ADGRA1: variants seen among roughly 807,000 people sequenced by gnomAD.
ADGRA1 encodes G-protein coupled receptor 123.
In ADGRA1, 12 loss-of-function variants were observed where a neutral mutation model predicts 21.3. The observed-to-expected ratio is 0.56, with a 90% CI of 0.36 to 0.91. The LOEUF (loss-of-function observed/expected upper bound fraction) is 0.91, where lower values mean the gene tolerates loss of function less well. Among genes scored for constraint, ADGRA1 ranks in the 40% least tolerant of loss-of-function variants. ADGRA1 has a pLI of 0.01. For synonymous variants in ADGRA1, 385 were observed against 368.8 expected, an observed-to-expected ratio of 1.04 and a Z score of -0.50; for missense variants, 790 against 805.6, an observed-to-expected ratio of 0.98 and a Z score of 0.23.
rs777704987 is a variant in ADGRA1, at chr10:133,098,650, A to G, written c.142A>G (p.Ile48Val). ...TTTCCCGTCCCACAGCGCCATCCGCATCAGCCGCAAGGGCCGGCACACGCT... is the reference window on the plus strand; with the variant it reads ...TTTCCCGTCCCACAGCGCCATCCGCGTCAGCCGCAAGGGCCGGCACACGCT... The part of the protein sequence containing the change: ...TYIVHQSAIR[I>V]SRKGRHTLLN... Residue 48 changes from isoleucine (I) to valine (V), a missense_variant, in exon 4 of 7, where the codon ATC (isoleucine) becomes GTC (valine). By Grantham distance (29) the Ile-to-Val change is conservative. Transcript: ENST00000392607. The G allele has an allele frequency of 1.9e-6, 3 of 1,609,424 alleles. No individual in the cohort carries two copies. The highest frequency in any genetic ancestry group is 1.7e-5 in the Admixed American group (1 of 59,942).
chr10:133,112,123 C>A (rs1852043088), intron 5 of ADGRA1, among the ~76,000 whole-genome samples: 1 of 152,274 alleles, frequency 6.6e-6, no homozygotes, highest in South Asian at 2.1e-4. Context: ...GTAGACAGAA[C>A]TTTCCACATT....
intron 5 of ADGRA1, among the ~76,000 whole-genome samples, chr10:133,115,987 C>G (rs1852149518): frequency 6.6e-6 from 1 of 151,998 alleles, no homozygotes; most frequent in African/African-American, 2.4e-5. Flanking sequence ...CTCCCCTTCT[C>G]CCTCCCTCTT....
At chr10:133,103,059 C>T (rs1277785080) in intron 5 of ADGRA1, among the ~76,000 whole-genome samples, 6 of 148,938 alleles carry the variant, frequency 4.0e-5, no homozygotes, top group Admixed American at 6.7e-5. Flanking sequence ...AGGGGAGGGG[C>T]GCCGGTCACT....
In ADGRA1 at chr10:133,088,111, G is replaced by GC; in HGVS notation, c.-226dup. 3 of 984,994 alleles carry GC rather than the reference G, an allele frequency of 3.0e-6. No individual in the cohort carries two copies. Among genetic ancestry groups the GC allele is most frequent in the Non-Finnish European group, 3.6e-6 (3 of 829,692 alleles). The allele number at this position is 984,994 out of a possible 1,614,324, so 61.0% of individuals were successfully genotyped here. On this transcript the variant is annotated 5_prime_UTR_variant, in exon 1 of 7. It removes the in-frame stop codon of an upstream open reading frame in the 5' UTR. Coordinates refer to ENST00000392607, the MANE Select transcript of ADGRA1 (RefSeq NM_001083909.3). ...CTGTCTCCGGGAGCGCGGCCCGGCCGCCCCGGCAGCCGCTTCGGCCACAGC... is the reference window on the plus strand; with the variant it reads ...CTGTCTCCGGGAGCGCGGCCCGGCCGCCCCCGGCAGCCGCTTCGGCCACAGC...
At chr10:133,114,005 C>T (rs927302388) in intron 5 of ADGRA1, among the ~76,000 whole-genome samples, 4 of 152,244 alleles carry the variant, frequency 2.6e-5, no homozygotes, top group Non-Finnish European at 4.4e-5. Context: ...TGGCATCTCA[C>T]ACTTTGGCGG....
chr10:133,119,261 CA>C (rs34728360), intron 5 of ADGRA1, among the ~76,000 whole-genome samples: 136,290 of 145,504 alleles, frequency 0.94, 63,834 homozygotes, highest in South Asian at 0.99. Context: ...CCTTTATTGC[CA>C]AAAAAAAAAA....
At chr10:133,111,090 ATG>A (rs1851982778) in intron 5 of ADGRA1, among the ~76,000 whole-genome samples, 1 of 151,356 alleles carries the variant, frequency 6.6e-6, no homozygotes, top group African/African-American at 2.4e-5. Context: ...CCTGCCTGCC[ATG>A]GGCAGCTCCC....
chr10:133,117,695 C>A (rs1033784147), intron 5 of ADGRA1, among the ~76,000 whole-genome samples: 5 of 152,250 alleles, frequency 3.3e-5, no homozygotes, highest in African/African-American at 1.2e-4. Context: ...AGCTGAGTCC[C>A]ATGTATTTCT....
chr10:133,099,349 G>A (rs1851750898), intron 4 of ADGRA1, among the ~76,000 whole-genome samples: 1 of 152,214 alleles, frequency 6.6e-6, no homozygotes, highest in African/African-American at 2.4e-5. Context: ...CCGGTCCAGG[G>A]AGGAACCTGC....
At chr10:133,126,388 T>C (rs964715964) in intron 5 of ADGRA1, among the ~76,000 whole-genome samples, 1 of 152,170 alleles carries the variant, frequency 6.6e-6, no homozygotes, top group Non-Finnish European at 1.5e-5. Flanking sequence ...CTCCCACCAC[T>C]GCACCTTGGA....
chr10:133,098,536 G>T, intron 3 of ADGRA1, 104 bp from the exon 4 acceptor site: 2 of 1,412,744 alleles, frequency 1.4e-6, no homozygotes, highest in Non-Finnish European at 9.5e-7. Context: ...CCCACGGAGA[G>T]CCCGGACTTC....
At chr10:133,125,420 GTTTT>G (rs755232501) in intron 5 of ADGRA1, among the ~76,000 whole-genome samples, 10 of 152,104 alleles carry the variant, frequency 6.6e-5, no homozygotes, top group Non-Finnish European at 7.4e-5. Context: ...TTGTTTTAAT[GTTTT>G]TGTTTGTTTG....
intron 5 of ADGRA1, among the ~76,000 whole-genome samples, chr10:133,116,429 C>T (rs1231168145): frequency 6.7e-6 from 1 of 149,872 alleles, no homozygotes; most frequent in African/African-American, 2.5e-5. Context: ...CCACCCCCCG[C>T]CACCACCCAC....
In ADGRA1 at chr10:133,128,392, G is replaced by A; in HGVS notation, c.564G>A (p.Leu188=). ...AFYGPAAIIT[L]VTCVYFLGTY... Reference sequence around the variant, plus strand: ...ACGGCCCAGCCGCCATCATCACCCTGGTCACCTGTGTGTACTTCCTGGGCA... The same window carrying A: ...ACGGCCCAGCCGCCATCATCACCCTAGTCACCTGTGTGTACTTCCTGGGCA... The change falls in exon 7 of 7, where the codon CTG becomes CTA. Residue 188 remains leucine (L), a synonymous_variant. Transcript: ENST00000392607. 6.2e-7 allele frequency: 1 copy of A among 1,602,160 alleles called. No homozygotes were observed. Among genetic ancestry groups the A allele is most frequent in the Admixed American group, 1.7e-5 (1 of 58,380 alleles).
At chr10:133,122,438 C>G (rs549668859) in intron 5 of ADGRA1, among the ~76,000 whole-genome samples, 1 of 152,172 alleles carries the variant, frequency 6.6e-6, no homozygotes, top group South Asian at 2.1e-4. Flanking sequence ...AGGCTGGGCA[C>G]GGGGCCGAGG....
intron 4 of ADGRA1, among the ~76,000 whole-genome samples, chr10:133,100,063 G>A (rs972148907): frequency 2.0e-5 from 3 of 152,204 alleles, no homozygotes; most frequent in Non-Finnish European, 4.4e-5. Flanking sequence ...GGGACGGGCC[G>A]GGCAGGCGCT....
intron 5 of ADGRA1, among the ~76,000 whole-genome samples, chr10:133,126,022 T>A (rs4838798): frequency 0.19 from 28,276 of 152,056 alleles, 3,079 homozygotes; most frequent in East Asian, 0.47. Context: ...GCGTTTCTGG[T>A]GTTTCTCCTT....
chr10:133,118,284 C>G (rs985320272), intron 5 of ADGRA1, among the ~76,000 whole-genome samples: 1 of 152,188 alleles, frequency 6.6e-6, no homozygotes, highest in Non-Finnish European at 1.5e-5. Context: ...AAGGTACGTA[C>G]GTTGTTTCTT....
chr10:133,094,610 C>T (rs113993386), intron 2 of ADGRA1, among the ~76,000 whole-genome samples: 39 of 152,198 alleles, frequency 2.6e-4, no homozygotes, highest in African/African-American at 9.4e-4. Flanking sequence ...TTCCAGGCGA[C>T]TCACTGAGGA....
Sources: allele counts gnomAD v4.1 joint callset (sites outside exome capture counted in the v4.1 genomes callset), GRCh38; gene constraint gnomAD v4.1.1; transcripts MANE v1.5; gene names NCBI Gene and HGNC (gene_info 2026-07-23, HGNC 2026-07-21).